Variants in SCPEP1 observed in about 807,000 individuals in gnomAD.
SCPEP1 encodes the protein serine carboxypeptidase 1, also known as retinoid-inducible serine carboxypeptidase.
A neutral mutation model predicts 63.8 loss-of-function variants in SCPEP1; 51 were observed. That is an observed-to-expected ratio of 0.80 (90% CI 0.64 to 1.01). The LOEUF is 1.01. Among genes scored for constraint, SCPEP1 ranks in the 50% least tolerant of loss-of-function variants. The probability of loss-of-function intolerance (pLI) is 0.00; values close to 1 mark genes in which losing one functional copy is unlikely to be tolerated. For synonymous variants in SCPEP1, 204 were observed against 207.8 expected (o/e 0.98, Z 0.16); for missense variants, 499 against 554.9 (o/e 0.90, Z 1.01).
rs2144500698 is a variant in SCPEP1, at chr17:56,997,047, G to A, written c.872G>A (p.Ser291Asn). 6.3e-7 allele frequency: 1 copy of A among 1,596,210 alleles called. No homozygotes were observed. The highest frequency in any genetic ancestry group is 8.6e-7 in the Non-Finnish European group (1 of 1,169,114). ...TMESSLEFTQ[S>N]HLVCLCQRHV... ...GAGTCGAGTCTAGAATTCACACAGA[G>A]CCACCTAGGTGAGTGAACCTTGAAG... The change falls in exon 9 of 13, where the codon AGC (serine) becomes AAC (asparagine). Residue 291 changes from serine (S) to asparagine (N), a missense_variant. Ser to Asn is a conservative substitution (Grantham distance 46). Transcript: ENST00000262288.
intron 12 of SCPEP1, among the ~76,000 whole-genome samples, chr17:57,004,627 G>A (rs1911832018): frequency 6.6e-6 from 1 of 152,072 alleles, no homozygotes; most frequent in Admixed American, 6.5e-5. Flanking sequence ...TCTTGGGGAT[G>A]GGACCCAAGT....
At chr17:56,984,881 T>C (rs113398274) in intron 2 of SCPEP1, 16 of 164,382 alleles carry the variant, frequency 9.7e-5, no homozygotes, top group African/African-American at 2.4e-4. Context: ...GGAGGATTGC[T>C]TGAGCCCAGG....
intron 12 of SCPEP1, among the ~76,000 whole-genome samples, chr17:57,005,185 G>A (rs538855391): frequency 1.3e-5 from 2 of 152,318 alleles, no homozygotes; most frequent in African/African-American, 4.8e-5. Context: ...TGGCCTCATG[G>A]TGGCACTCAA....
chr17:56,991,993 C>G (rs572673269), intron 6 of SCPEP1, among the ~76,000 whole-genome samples: 6 of 152,274 alleles, frequency 3.9e-5, no homozygotes, highest in African/African-American at 1.4e-4. Flanking sequence ...CAAAACCAAA[C>G]TATCGAGTTA....
chr17:57,000,803 C>G, intron 10 of SCPEP1, 52 bp from the exon 11 acceptor site: 1 of 1,608,326 alleles, frequency 6.2e-7, no homozygotes, highest in Non-Finnish European at 8.5e-7. Flanking sequence ...AAAGGTACCT[C>G]CTGTTTTGGC....
intron 12 of SCPEP1, among the ~76,000 whole-genome samples, chr17:57,003,306 A>G (rs774939303): frequency 1.7e-4 from 26 of 152,152 alleles, no homozygotes; most frequent in Non-Finnish European, 3.2e-4. Flanking sequence ...AGGGGTTTTA[A>G]GCAAAGGAGT....
At chr17:56,978,380 C>T in intron 1 of SCPEP1, 145 bp downstream of exon 1, 4 of 775,982 alleles carry the variant, frequency 5.2e-6, no homozygotes, top group South Asian at 3.7e-5. Flanking sequence ...GAATCTCACT[C>T]TTTTTTTTTT....
Position 56,978,234 on chromosome 17 carries a change from A to G in SCPEP1, c.75A>G (p.Ala25=). ...LLLPLLLGLN[A]GAVIDWPTEE... is the part of the protein sequence containing the mutation. ...TGCCGCTGCTGCTGGGCCTGAACGC[A>G]GGTAGGTTCAAGCAAGAGGCGCACC... Residue 25 remains alanine (A), a splice_region_variant and synonymous_variant, in exon 1 of 13, where the codon GCA becomes GCG. Coordinates refer to ENST00000262288, the MANE Select transcript of SCPEP1 (RefSeq NM_021626.3). The G allele has an allele frequency of 2.6e-6, 4 of 1,544,504 alleles. No individual in the cohort carries two copies. The highest frequency in any genetic ancestry group is 2.4e-5 in the South Asian group (2 of 84,950).
In SCPEP1 at chr17:56,988,217, C is replaced by G; in HGVS notation, c.473C>G (p.Thr158Arg). ...CTGTGTAATTCCTTTTCTTGCTAGA[C>G]AGTTCCATTCTACATTTTCTCAGAG... ...TFFSCHKEFQ[T>R]VPFYIFSESY... The change falls in exon 5 of 13, where the codon ACA (threonine) becomes AGA (arginine). Residue 158 changes from threonine (T) to arginine (R), a missense_variant and splice_region_variant. Transcript: ENST00000262288. 6.2e-7 allele frequency: 1 copy of G among 1,606,944 alleles called. No individual in the cohort carries two copies. The highest frequency in any genetic ancestry group is 8.5e-7 in the Non-Finnish European group (1 of 1,174,582).
chr17:56,979,061 C>T (rs985016259), intron 1 of SCPEP1, among the ~76,000 whole-genome samples: 1 of 152,182 alleles, frequency 6.6e-6, no homozygotes, highest in Non-Finnish European at 1.5e-5. Context: ...ACAATATAAT[C>T]GTGTGTTACT....
intron 12 of SCPEP1, among the ~76,000 whole-genome samples, chr17:57,004,812 T>C (rs2144513543): frequency 6.6e-6 from 1 of 152,326 alleles, no homozygotes; most frequent in South Asian, 2.1e-4. Flanking sequence ...CAATCTGTGG[T>C]TGTTAGGCAT....
At chr17:56,983,193 C>T (rs931466272) in intron 2 of SCPEP1, 1 of 152,332 alleles carries the variant, frequency 6.6e-6, no homozygotes, top group African/African-American at 2.4e-5. Context: ...TCACGTAGAA[C>T]AGAGGCTTCC....
In SCPEP1 at chr17:56,998,507, A is replaced by G. The variant is rs766111542; in HGVS notation, c.994+9A>G. 10 of 1,587,526 alleles carry G rather than the reference A, an allele frequency of 6.3e-6. No individual in the cohort carries two copies. The East Asian group carries it at 2.2e-4, about 35-fold the overall frequency. On this transcript the variant is annotated intron_variant, in intron 10 of 12. Coordinates refer to ENST00000262288, the MANE Select transcript of SCPEP1 (RefSeq NM_021626.3). The stretch of plus-strand genomic sequence containing the variant: ...GGATCAATCCTGGGGAGGTACTTAT[A>G]TGACCTAATTAAGTGCCGTTTGTAC...
intron 10 of SCPEP1, 127 bp from the exon 11 acceptor site, chr17:57,000,728 C>T (rs1911713199): frequency 9.0e-7 from 1 of 1,106,392 alleles, no homozygotes; most frequent in Non-Finnish European, 1.3e-6. Context: ...TGGTTCATCC[C>T]TGTTTGTGAA....
chr17:56,992,316 A>T (rs1464880498), intron 6 of SCPEP1, among the ~76,000 whole-genome samples: 2 of 152,140 alleles, frequency 1.3e-5, no homozygotes, highest in South Asian at 4.1e-4. Flanking sequence ...AAGTAGCATA[A>T]AACTGAGTCA....
chr17:56,994,853 C>T (rs960150271), intron 6 of SCPEP1, 128 bp from the exon 7 acceptor site: 3 of 760,310 alleles, frequency 3.9e-6, no homozygotes, highest in Non-Finnish European at 6.8e-6. Context: ...AATTGAGGAG[C>T]CTTCCAATCC....
At chr17:56,985,103 T>TGAAAA (rs3056052) in intron 2 of SCPEP1, 271,012 of 381,932 alleles carry the variant, frequency 0.71, 98,867 homozygotes, top group East Asian at 0.97. Context: ...AGACTCTGTC[T>TGAAAA]GAAAAGAAAA....
In SCPEP1 at chr17:57,006,332, A is replaced by G. The variant is rs879143146; in HGVS notation, c.*97A>G. ...GGAAGCGCCATTCTTCCCTGTATCT[A>G]ACTGGGGCTGTGATCAAGAAGGTTC... is the stretch of plus-strand genomic sequence containing the variant. On this transcript the variant is annotated 3_prime_UTR_variant, in exon 13 of 13. Coordinates refer to ENST00000262288, the MANE Select transcript of SCPEP1 (RefSeq NM_021626.3). 24 of 822,922 alleles carry G rather than the reference A, an allele frequency of 2.9e-5. 1 individual carries two copies. The South Asian group carries it at 5.9e-4, about 20-fold the overall frequency. 51.0% of individuals were successfully genotyped at this position (822,922 alleles called of 1,614,324 possible).
chr17:57,000,912 G>A lies in SCPEP1; in HGVS notation c.1052G>A (p.Ser351Asn), dbSNP rs1233911144. 1 of 1,614,180 alleles carries A rather than the reference G, an allele frequency of 6.2e-7. No individual in the cohort carries two copies. Among genetic ancestry groups the A allele is most frequent in the Non-Finnish European group, 8.5e-7 (1 of 1,180,032 alleles). ...MEEDFMKPVI[S>N]IVDELLEAGI... Reference sequence around the variant, plus strand: ...GAGGACTTCATGAAGCCAGTCATTAGCATTGTGGACGAGTTGCTGGAGGCA... The same window carrying A: ...GAGGACTTCATGAAGCCAGTCATTAACATTGTGGACGAGTTGCTGGAGGCA... The change falls in exon 11 of 13, where the codon AGC becomes AAC. Residue 351 changes from serine (S) to asparagine (N), a missense_variant. By Grantham distance (46) the Ser-to-Asn change is conservative. Transcript: ENST00000262288.
Sources: allele counts gnomAD v4.1 joint callset (sites outside exome capture counted in the v4.1 genomes callset), GRCh38; gene constraint gnomAD v4.1.1; transcripts MANE v1.5; gene names NCBI Gene and HGNC (gene_info 2026-07-23, HGNC 2026-07-21).